SNRPD1: variants seen among roughly 807,000 people sequenced by gnomAD.
SNRPD1 encodes the protein small nuclear ribonucleoprotein D1 polypeptide, also known as small nuclear ribonucleoprotein Sm D1.
A neutral mutation model predicts 14.4 loss-of-function variants in SNRPD1; 1 was observed. The ratio of observed to expected loss-of-function variants is 0.07; its 90% CI spans 0.02 to 0.33. SNRPD1 has a LOEUF of 0.33. SNRPD1 is among the 10% of genes least tolerant of loss of function. The pLI, the probability that SNRPD1 is intolerant of heterozygous loss-of-function variation, is 1.00. For missense variants in SNRPD1, 52 were observed against 146.4 expected, an observed-to-expected ratio of 0.36 and a Z score of 3.33; for synonymous variants, 42 against 50.3, an observed-to-expected ratio of 0.83 and a Z score of 0.70.
At chr18:21,628,153 G>A (rs2039054623) in intron 3 of SNRPD1, among the ~76,000 whole-genome samples, 1 of 152,160 alleles carries the variant, frequency 6.6e-6, no homozygotes, top group Non-Finnish European at 1.5e-5. Context: ...GCTGAGGCTG[G>A]AGGATTGCTT....
intron 1 of SNRPD1, among the ~76,000 whole-genome samples, chr18:21,612,812 GAAAC>G (rs2038929196): frequency 1.3e-5 from 2 of 152,328 alleles, no homozygotes; most frequent in South Asian, 4.1e-4. Flanking sequence ...AGCTTATCTG[GAAAC>G]AAACCTGTTT....
chr18:21,615,956 G>C (rs892559872), intron 1 of SNRPD1, among the ~76,000 whole-genome samples: 2 of 152,094 alleles, frequency 1.3e-5, no homozygotes, highest in African/African-American at 4.8e-5. Flanking sequence ...GGTATGTAGT[G>C]GTATCTCCTT....
intron 3 of SNRPD1, among the ~76,000 whole-genome samples, chr18:21,624,223 A>G (rs987481345): frequency 2.0e-5 from 3 of 151,852 alleles, no homozygotes; most frequent in Non-Finnish European, 2.9e-5. Flanking sequence ...TACTAAAAAT[A>G]TAAAACTTAG....
At chr18:21,621,036 C>T (rs539333974) in intron 1 of SNRPD1, among the ~76,000 whole-genome samples, 20 of 151,820 alleles carry the variant, frequency 1.3e-4, no homozygotes, top group Non-Finnish European at 2.2e-4. Context: ...GGTGTGGTGG[C>T]GAGCGCCTGT....
rs2039070541 is a variant in SNRPD1 at position 21,630,136 on chromosome 18, A to G, written c.*998A>G. 1.3e-5 allele frequency: 2 copies of G among 152,304 alleles called. No homozygotes were observed. The highest frequency in any genetic ancestry group is 4.1e-4 in the South Asian group (2 of 4,830). 9.4% of individuals were successfully genotyped at this position (152,304 alleles called of 1,614,324 possible). On this transcript the variant is annotated 3_prime_UTR_variant, in exon 4 of 4. Transcript: ENST00000300413. The stretch of plus-strand genomic sequence containing the variant: ...GTTAATGGTCACTAGATTATCAGTT[A>G]TGAGCAGTGTTAAAATCTCCTATTA...
chr18:21,619,527 G>T (rs912476817), intron 1 of SNRPD1, among the ~76,000 whole-genome samples: 7 of 149,226 alleles, frequency 4.7e-5, no homozygotes, highest in African/African-American at 1.7e-4. Flanking sequence ...GCTTACGCCT[G>T]TAATCCCAGC....
chr18:21,619,878 G>C (rs1227659625), intron 1 of SNRPD1, among the ~76,000 whole-genome samples: 1 of 152,178 alleles, frequency 6.6e-6, no homozygotes, highest in Non-Finnish European at 1.5e-5. Flanking sequence ...TCAAAGTCCT[G>C]GGCTCTAGCG....
intron 3 of SNRPD1, among the ~76,000 whole-genome samples, chr18:21,624,526 T>C (rs999107431): frequency 6.6e-6 from 1 of 151,490 alleles, no homozygotes; most frequent in African/African-American, 2.4e-5. Flanking sequence ...ACCCCCTCTC[T>C]ACTAAAAATG....
intron 1 of SNRPD1, among the ~76,000 whole-genome samples, chr18:21,619,092 G>T (rs958961230): frequency 1.3e-5 from 2 of 152,166 alleles, no homozygotes; most frequent in African/African-American, 4.8e-5. Context: ...GTGATTGTGA[G>T]ATTATGGTTA....
rs748864232 is a variant in SNRPD1, at chr18:21,625,315, A to ATTTTTTTTTTTTTTTT, written c.283+1376_283+1377insTTTTTTTTTTTTTTTT. Reference sequence around the variant, plus strand: ...TTCTATTTAAAATTTTGTTGAAAAAAATTTTTTTTTTTTTTTTTGAGATGG... The same window carrying ATTTTTTTTTTTTTTTT: ...TTCTATTTAAAATTTTGTTGAAAAAATTTTTTTTTTTTTTTTATTTTTTTTTTTTTTTTTGAGATGG... On this transcript the variant is annotated intron_variant, in intron 3 of 3. Coordinates refer to ENST00000300413, the MANE Select transcript of SNRPD1 (RefSeq NM_006938.4). Among the ~76,000 whole-genome samples the ATTTTTTTTTTTTTTTT allele has an allele frequency of 3.5e-4, 34 of 98,254 alleles. 1 individual carries two copies. Among genetic ancestry groups the ATTTTTTTTTTTTTTTT allele is most frequent in the African/African-American group, 5.2e-4 (7 of 13,572 alleles). The allele number at this position is 98,254 out of a possible 152,430, so 64.5% of individuals were successfully genotyped here.
chr18:21,622,293 C>T (rs1409964988), intron 1 of SNRPD1, among the ~76,000 whole-genome samples: 2 of 152,018 alleles, frequency 1.3e-5, no homozygotes, highest in African/African-American at 4.8e-5. Context: ...GTGCCCGCCA[C>T]CATGCCCAGC....
At chr18:21,621,903 T>C (rs776784533) in intron 1 of SNRPD1, among the ~76,000 whole-genome samples, 13 of 152,260 alleles carry the variant, frequency 8.5e-5, no homozygotes, top group Non-Finnish European at 1.3e-4. Flanking sequence ...ATGTTTTGTA[T>C]GTTGAAATGG....
intron 1 of SNRPD1, among the ~76,000 whole-genome samples, chr18:21,620,557 T>G (rs2038989911): frequency 1.3e-5 from 2 of 152,166 alleles, no homozygotes. Context: ...TAAAGACAGA[T>G]TTGTGCCTTA....
At chr18:21,622,826 A>G in intron 2 of SNRPD1, 25 bp downstream of exon 2, 1 of 1,275,838 alleles carries the variant, frequency 7.8e-7, no homozygotes. Flanking sequence ...CTGCTTTTAT[A>G]ACATTTTTTT....
intron 1 of SNRPD1, among the ~76,000 whole-genome samples, chr18:21,620,381 A>G (rs2038988800): frequency 6.6e-6 from 1 of 152,210 alleles, no homozygotes; most frequent in Non-Finnish European, 1.5e-5. Flanking sequence ...AATTACAGGC[A>G]TGAGCCACTG....
chr18:21,623,094 AT>A (rs113160916), intron 2 of SNRPD1, among the ~76,000 whole-genome samples: 8 of 145,780 alleles, frequency 5.5e-5, no homozygotes, highest in Non-Finnish European at 6.1e-5. Flanking sequence ...GCCCGGGTAA[AT>A]TTTTTTTTTA....
intron 3 of SNRPD1, among the ~76,000 whole-genome samples, chr18:21,625,314 A>C (rs1165163792): frequency 1.2e-5 from 1 of 80,810 alleles, no homozygotes; most frequent in African/African-American, 1.0e-4. Flanking sequence ...TTGTTGAAAA[A>C]AATTTTTTTT....
chr18:21,627,437 T>G (rs1204829618), intron 3 of SNRPD1, among the ~76,000 whole-genome samples: 2 of 103,288 alleles, frequency 1.9e-5, no homozygotes, highest in Non-Finnish European at 4.6e-5. Context: ...TTCTTGGGTT[T>G]TTTTTTTTTT....
At chr18:21,618,374 T>G (rs2038973219) in intron 1 of SNRPD1, among the ~76,000 whole-genome samples, 1 of 151,960 alleles carries the variant, frequency 6.6e-6, no homozygotes, top group African/African-American at 2.4e-5. Flanking sequence ...CTGTATATCT[T>G]TATTGCTTTC....
Sources: gnomAD v4.1 joint callset for allele counts (sites outside exome capture counted in the v4.1 genomes callset) on GRCh38, gnomAD v4.1.1 for gene constraint, MANE v1.5 for transcripts, NCBI Gene and HGNC (gene_info 2026-07-23, HGNC 2026-07-21) for gene names.